CCNI: variants seen among roughly 807,000 people sequenced by gnomAD.
CCNI encodes the protein cyclin I.
Under a neutral mutation model 34.1 loss-of-function variants are expected in CCNI, and 14 were observed. The ratio of observed to expected loss-of-function variants is 0.41; its 90% CI spans 0.27 to 0.64. The LOEUF is 0.64. CCNI is among the 30% of genes least tolerant of loss of function. The pLI is 0.31. For synonymous variants in CCNI, 154 were observed against 158.4 expected (o/e 0.97, Z 0.21); for missense variants, 385 against 440.5 (o/e 0.87, Z 1.13).
chr4:77,055,306 CA>C lies in CCNI; in HGVS notation c.533del (p.Leu178TrpfsTer59). 1 of 1,614,144 alleles carries C rather than the reference CA, an allele frequency of 6.2e-7. No individual in the cohort carries two copies. The highest frequency in any genetic ancestry group is 1.1e-5 in the South Asian group (1 of 91,072). On this transcript the variant is annotated frameshift_variant, in exon 6 of 7. Transcript: ENST00000237654. LOFTEE classifies it high-confidence loss of function. Reference protein sequence around the residue: ...SLPKLSPSQHLAVLTKQLLHC... With the variant: ...SLPKLSPSQHXAVLTKQLLHC... The stretch of plus-strand genomic sequence containing the variant: ...GAAGTAGTTGCTTGGTAAGGACTGC[CA>C]AATGTTGAGATGGGCTCAATTTGGG...
At chr4:77,075,986 GGAGGGGAA>G (rs1429137960) in exon 1 of CCNI, 1 of 151,850 alleles carries the variant, frequency 6.6e-6, no homozygotes, top group Non-Finnish European at 1.5e-5. Context: ...GGCTGGGGAG[GGAGGGGAA>G]GAGAGGGGAA....
At chr4:77,050,133 C>T (rs542994440) in intron 6 of CCNI, among the ~76,000 whole-genome samples, 78 of 152,048 alleles carry the variant, frequency 5.1e-4, no homozygotes, top group Non-Finnish European at 7.5e-4. Flanking sequence ...CACTAATCTT[C>T]CCCTTTCTTA....
rs1560765249 is a variant in CCNI at position 77,048,059 on chromosome 4, A to G, written c.*160T>C. 1 of 526,042 alleles carries G rather than the reference A, an allele frequency of 1.9e-6. No homozygotes were observed. The highest frequency in any genetic ancestry group is 2.9e-5 in the East Asian group (1 of 34,890). The allele number at this position is 526,042 out of a possible 1,614,324, so 32.6% of individuals were successfully genotyped here. A position where few individuals can be genotyped will look rare whatever the true frequency, so the allele number is the denominator to read the frequency against. ...TGTGCTTAAATAACGCTGAATTATA[A>G]TTAGCCACACAAATAATGAGAGTTT... On this transcript the variant is annotated 3_prime_UTR_variant, in exon 7 of 7. Coordinates refer to ENST00000237654, the MANE Select transcript of CCNI (RefSeq NM_006835.3).
intron 2 of CCNI, among the ~76,000 whole-genome samples, chr4:77,060,623 T>C (rs4252858): frequency 0.042 from 6,208 of 146,132 alleles, 193 homozygotes; most frequent in African/African-American, 0.091. Context: ...CAGGCCCGGC[T>C]AATTTTTTTT....
intron 3 of CCNI, among the ~76,000 whole-genome samples, chr4:77,056,653 G>A (rs886953420): frequency 6.9e-5 from 10 of 145,320 alleles, no homozygotes; most frequent in African/African-American, 2.1e-4. Flanking sequence ...GCAGTGGCAC[G>A]ATGTCAGCTC....
intron 1 of CCNI, among the ~76,000 whole-genome samples, chr4:77,067,109 G>A (rs1729088792): frequency 6.6e-6 from 1 of 152,102 alleles, no homozygotes; most frequent in Non-Finnish European, 1.5e-5. Flanking sequence ...GTGGGCGCCT[G>A]TAATCCCAGC....
intron 1 of CCNI, among the ~76,000 whole-genome samples, chr4:77,067,667 GT>G (rs145214993): frequency 0.23 from 31,394 of 137,704 alleles, 4,189 homozygotes; most frequent in East Asian, 0.37. Context: ...ATTTTGTGGG[GT>G]TTTTTTTTTT....
chr4:77,055,941 A>G, intron 5 of CCNI, 21 bp downstream of exon 5: 1 of 1,582,972 alleles, frequency 6.3e-7, no homozygotes, highest in Non-Finnish European at 8.6e-7. Flanking sequence ...TAAGAAACTA[A>G]AAGACTTCAG....
chr4:77,058,376 T>C (rs887944361), intron 3 of CCNI, 131 bp downstream of exon 3: 14 of 558,238 alleles, frequency 2.5e-5, no homozygotes, highest in Middle Eastern at 4.1e-4. Flanking sequence ...TGTCTTCTTA[T>C]GGGTACATAC....
chr4:77,060,957 CTA>C (rs1363767335), intron 2 of CCNI, among the ~76,000 whole-genome samples: 1 of 151,996 alleles, frequency 6.6e-6, no homozygotes, highest in Non-Finnish European at 1.5e-5. Context: ...CGAGGTCTCA[CTA>C]TGTTACCCAG....
intron 2 of CCNI, among the ~76,000 whole-genome samples, chr4:77,063,669 A>G (rs1215903601): frequency 4.6e-5 from 7 of 150,978 alleles, no homozygotes; most frequent in Admixed American, 6.6e-5. Context: ...CAGCCTGGGC[A>G]GCAGAGCAAG....
At chr4:77,054,986 G>A (rs1464646470) in intron 6 of CCNI, among the ~76,000 whole-genome samples, 164 bp downstream of exon 6, 1 of 152,106 alleles carries the variant, frequency 6.6e-6, no homozygotes, top group African/African-American at 2.4e-5. Flanking sequence ...ATGAAAAAAA[G>A]AGATCACCTA....
intron 2 of CCNI, among the ~76,000 whole-genome samples, chr4:77,065,979 T>C (rs1041943876): frequency 3.3e-5 from 5 of 152,132 alleles, no homozygotes; most frequent in African/African-American, 4.8e-5. Flanking sequence ...CATGCGCCTG[T>C]AGTCCCAGCT....
intron 6 of CCNI, among the ~76,000 whole-genome samples, chr4:77,049,878 A>G (rs988910087): frequency 6.6e-6 from 1 of 152,168 alleles, no homozygotes; most frequent in Non-Finnish European, 1.5e-5. Flanking sequence ...TACCTGTAGT[A>G]AAGTGTCTCT....
intron 5 of CCNI, 104 bp downstream of exon 5, chr4:77,055,858 T>C: frequency 8.4e-6 from 8 of 955,022 alleles, no homozygotes; most frequent in Non-Finnish European, 9.4e-6. Context: ...CAAGTTTTCT[T>C]TTTCCTATTT....
intron 2 of CCNI, among the ~76,000 whole-genome samples, chr4:77,062,142 T>C (rs1310101517): frequency 6.6e-6 from 1 of 152,140 alleles, no homozygotes; most frequent in African/African-American, 2.4e-5. Flanking sequence ...TCACCTGCCT[T>C]ATTATGTATC....
Position 77,075,856 on chromosome 4 carries a change from G to T in CCNI, c.-428C>A, listed in dbSNP as rs536467391. On this transcript the variant is annotated 5_prime_UTR_variant, in exon 1 of 7. Coordinates refer to ENST00000237654, the MANE Select transcript of CCNI (RefSeq NM_006835.3). Reference sequence around the variant, plus strand: ...CCCTGCCCGGGGAAAGCGCCTCCGAGGGGAAATGGTGAAAGGGGGGGAGGG... The same window carrying T: ...CCCTGCCCGGGGAAAGCGCCTCCGATGGGAAATGGTGAAAGGGGGGGAGGG... The T allele has an allele frequency of 6.6e-6, 1 of 150,872 alleles. No homozygotes were observed. Among genetic ancestry groups the T allele is most frequent in the East Asian group, 2.0e-4 (1 of 5,084 alleles). 9.3% of individuals were successfully genotyped at this position (150,872 alleles called of 1,614,324 possible). A position where few individuals can be genotyped will look rare whatever the true frequency, so the allele number is the denominator to read the frequency against.
intron 6 of CCNI, among the ~76,000 whole-genome samples, chr4:77,049,557 A>G (rs60377206): frequency 6.6e-6 from 1 of 152,254 alleles, no homozygotes; most frequent in Non-Finnish European, 1.5e-5. Flanking sequence ...AGATGCCTGT[A>G]ATCCCAGCTA....
At chr4:77,070,199 G>A (rs1729355530) in intron 1 of CCNI, among the ~76,000 whole-genome samples, 1 of 151,876 alleles carries the variant, frequency 6.6e-6, no homozygotes, top group South Asian at 2.1e-4. Context: ...TGTATTTTTA[G>A]TAGAGGCAGG....
Sources: allele counts gnomAD v4.1 joint callset (sites outside exome capture counted in the v4.1 genomes callset), GRCh38; gene constraint gnomAD v4.1.1; transcripts MANE v1.5; gene names NCBI Gene and HGNC (gene_info 2026-07-23, HGNC 2026-07-21).